The following CUX2 variants were observed in gnomAD, a reference collection of about 807,000 sequenced individuals.
CUX2 encodes the protein cut like homeobox 2, also known as homeobox protein cut-like 2.
A neutral mutation model predicts 144.8 loss-of-function variants in CUX2; 40 were observed. The ratio of observed to expected loss-of-function variants is 0.28; its 90% CI spans 0.21 to 0.36. CUX2 has a LOEUF of 0.36. Ranked by LOEUF, CUX2 falls within the 10% of genes least tolerant of loss-of-function variation. The probability of loss-of-function intolerance (pLI) is 1.00; values close to 1 mark genes in which losing one functional copy is unlikely to be tolerated. For missense variants in CUX2, 1,615 were observed against 1,994.0 expected (o/e 0.81, Z 3.62); for synonymous variants, 827 against 875.6 (o/e 0.94, Z 0.98).
Position 111,304,124 on chromosome 12 carries a change from C to T in CUX2, c.754-86C>T. The T allele has an allele frequency of 8.6e-7, 1 of 1,158,088 alleles. No individual in the cohort carries two copies. Among genetic ancestry groups the T allele is most frequent in the Non-Finnish European group, 1.3e-6 (1 of 797,214 alleles). The allele number at this position is 1,158,088 out of a possible 1,614,324, so 71.7% of individuals were successfully genotyped here. A position where few individuals can be genotyped will look rare whatever the true frequency, so the allele number is the denominator to read the frequency against. On this transcript the variant is annotated intron_variant, in intron 9 of 21. Coordinates refer to ENST00000261726, the MANE Select transcript of CUX2 (RefSeq NM_015267.4). The surrounding 1 kb of genome is among the most constrained non-coding windows in gnomAD (Gnocchi z 4.7). ...CCTGAGGCCCTCGGAGGTCTGCCTC[C>T]CCAACCCCTGCCTGAAACAGTGCAG...
chr12:111,338,877 C>A (rs1359920030), intron 20 of CUX2, among the ~76,000 whole-genome samples: 1 of 151,326 alleles, frequency 6.6e-6, no homozygotes, highest in African/African-American at 2.4e-5. Flanking sequence ...CTGTGCAGTG[C>A]AGTAAGACCC....
rs756173454 is a variant in CUX2, at chr12:111,068,748, CG to C, written c.63+34512del. On this transcript the variant is annotated intron_variant, in intron 1 of 21. Transcript: ENST00000261726. This position sits in a 1 kb window ranked among gnomAD's most constrained non-coding sequence, Gnocchi z 4.9. Reference sequence around the variant, plus strand: ...GTTTGCACCCTGAGAGGAGAGGAGACGGGGTGCCGGTAATGCCCCCATGGCC... The same window carrying C: ...GTTTGCACCCTGAGAGGAGAGGAGACGGGTGCCGGTAATGCCCCCATGGCC... 1.3e-4 allele frequency among the ~76,000 whole-genome samples: 20 copies of C among 152,170 alleles called. 1 individual carries two copies. Among genetic ancestry groups the C allele is most frequent in the Admixed American group, 9.2e-4 (14 of 15,280 alleles).
At chr12:111,232,800 C>G (rs1182790108) in intron 3 of CUX2, among the ~76,000 whole-genome samples, 1 of 152,200 alleles carries the variant, frequency 6.6e-6, no homozygotes, top group Non-Finnish European at 1.5e-5. Context: ...TTCATTCATT[C>G]ATTTCCTTAG....
rs1425776108 is a variant in CUX2, at chr12:111,295,816, G to A, written c.637+407G>A. On this transcript the variant is annotated intron_variant, in intron 7 of 21. Coordinates refer to ENST00000261726, the MANE Select transcript of CUX2 (RefSeq NM_015267.4). This position sits in a 1 kb window ranked among gnomAD's most constrained non-coding sequence, Gnocchi z 5.0. ...CCTGCAGGGGCCAAAACGCTACCAA[G>A]CCACCGACTTAGGGGAGGCGTTGGG... 1.3e-5 allele frequency among the ~76,000 whole-genome samples: 2 copies of A among 151,694 alleles called. No homozygotes were observed. Among genetic ancestry groups the A allele is most frequent in the Admixed American group, 1.3e-4 (2 of 15,238 alleles).
At chr12:111,323,182 A>C (rs964283484) in intron 18 of CUX2, among the ~76,000 whole-genome samples, 4 of 152,178 alleles carry the variant, frequency 2.6e-5, no homozygotes, top group Non-Finnish European at 2.9e-5. Context: ...CGGGCCCTGC[A>C]CTGGAATGAG....
In CUX2 at chr12:111,266,402, C is replaced by T. The variant is rs751153585; in HGVS notation, c.301+2563C>T. ...AGGAGAATCGCTTGAACCCAGGAGG[C>T]GGAGGTTGCAATGAGCCGAGATCAC... On this transcript the variant is annotated intron_variant, in intron 4 of 21. Transcript: ENST00000261726. 1.1e-4 allele frequency among the ~76,000 whole-genome samples: 16 copies of T among 148,120 alleles called. 1 individual carries two copies. In the South Asian group the frequency reaches 1.3e-3, roughly 12 times the overall value.
At chr12:111,198,296 C>A (rs536795405) in intron 1 of CUX2, among the ~76,000 whole-genome samples, 15 of 152,058 alleles carry the variant, frequency 9.9e-5, no homozygotes, top group African/African-American at 3.6e-4. Context: ...GCTAACATGG[C>A]AAAACCCCAT....
At chr12:111,210,597 C>A (rs1435208711) in intron 1 of CUX2, among the ~76,000 whole-genome samples, 1 of 152,048 alleles carries the variant, frequency 6.6e-6, no homozygotes, top group African/African-American at 2.4e-5. Flanking sequence ...AGTTTGAGAC[C>A]AGCCTGGCAA....
Position 111,134,610 on chromosome 12 carries a change from C to CTGTGTGTG in CUX2, c.64-79589_64-79588insGTGTGTGT, listed in dbSNP as rs1483403424. 3.1e-3 allele frequency among the ~76,000 whole-genome samples: 428 copies of CTGTGTGTG among 138,290 alleles called. 2 individuals are homozygous for CTGTGTGTG. The highest frequency in any genetic ancestry group is 0.014 in the African/African-American group (411 of 28,680). The allele number at this position is 138,290 out of a possible 152,430, so 90.7% of individuals were successfully genotyped here. A position where few individuals can be genotyped will look rare whatever the true frequency, so the allele number is the denominator to read the frequency against. On this transcript the variant is annotated intron_variant, in intron 1 of 21. Coordinates refer to ENST00000261726, the MANE Select transcript of CUX2 (RefSeq NM_015267.4). ...AAGATCTCTTTCTCTCTCTCTCTCT[C>CTGTGTGTG]TCTCTCTCTCTGTGTGTGTGTGTGT...
rs554497799 is a variant in CUX2 at position 111,110,269 on chromosome 12, G to A, written c.63+76029G>A. Reference sequence around the variant, plus strand: ...ATCCATCCCCAGTTGGATGCTACATGCTTTTGTTTTGCTACTTGACATGAT... The same window carrying A: ...ATCCATCCCCAGTTGGATGCTACATACTTTTGTTTTGCTACTTGACATGAT... On this transcript the variant is annotated intron_variant, in intron 1 of 21. Transcript: ENST00000261726. 2.6e-5 allele frequency among the ~76,000 whole-genome samples: 4 copies of A among 152,246 alleles called. No homozygotes were observed. The East Asian group carries it at 5.8e-4, about 22-fold the overall frequency.
At chr12:111,079,374 G>A (rs534194978) in intron 1 of CUX2, among the ~76,000 whole-genome samples, 2 of 152,292 alleles carry the variant, frequency 1.3e-5, no homozygotes, top group African/African-American at 4.8e-5. Context: ...GCATGGACCT[G>A]TGGTGGCCTT....
intron 3 of CUX2, among the ~76,000 whole-genome samples, chr12:111,218,489 C>G: frequency 6.6e-6 from 1 of 152,120 alleles, no homozygotes; most frequent in East Asian, 1.9e-4. Context: ...GCACACCAAC[C>G]TGGGTGACAG....
At chr12:111,174,734 A>T (rs922744486) in intron 1 of CUX2, among the ~76,000 whole-genome samples, 3 of 152,242 alleles carry the variant, frequency 2.0e-5, no homozygotes, top group Non-Finnish European at 1.5e-5. Context: ...TGGTGACCAG[A>T]CAAAGGGAAC....
intron 1 of CUX2, among the ~76,000 whole-genome samples, chr12:111,060,577 AG>A (rs1201162471): frequency 6.6e-6 from 1 of 152,338 alleles, no homozygotes; most frequent in East Asian, 1.9e-4. Context: ...CACATATTAG[AG>A]GCTCAATAAA....
At chr12:111,164,746 T>A (rs1317025589) in intron 1 of CUX2, among the ~76,000 whole-genome samples, 2 of 151,880 alleles carry the variant, frequency 1.3e-5, no homozygotes, top group Non-Finnish European at 2.9e-5. Flanking sequence ...ATGTTAGGGG[T>A]CCCATGAGCA....
chr12:111,294,676 C>A (rs935388912), intron 6 of CUX2, among the ~76,000 whole-genome samples: 1 of 151,670 alleles, frequency 6.6e-6, no homozygotes, highest in Non-Finnish European at 1.5e-5. Flanking sequence ...GCAGGCGGAT[C>A]ACTTGAGGTC....
chr12:111,175,716 C>A (rs1878811555), intron 1 of CUX2, among the ~76,000 whole-genome samples: 1 of 151,972 alleles, frequency 6.6e-6, no homozygotes, highest in African/African-American at 2.4e-5. Context: ...AGCAAGTTTT[C>A]TTTTATCCAT....
Position 111,344,677 on chromosome 12 carries a change from G to A in CUX2, c.3659+2624G>A, listed in dbSNP as rs552214269. Among the ~76,000 whole-genome samples, 6 of 152,208 alleles carry A rather than the reference G, an allele frequency of 3.9e-5. No individual in the cohort carries two copies. The South Asian group carries it at 1.2e-3, about 32-fold the overall frequency. ...AGGTCACCTTTTTGGAGGGATTGGA[G>A]GGGAGGGTACGGACTAGGTGACCCC... On this transcript the variant is annotated intron_variant, in intron 21 of 21. Coordinates refer to ENST00000261726, the MANE Select transcript of CUX2 (RefSeq NM_015267.4).
At chr12:111,332,574 T>A (rs561905405) in intron 18 of CUX2, among the ~76,000 whole-genome samples, 11 of 152,312 alleles carry the variant, frequency 7.2e-5, no homozygotes, top group African/African-American at 2.4e-4. Context: ...AGATCATTGC[T>A]GGATCATTGC....
Sources: gnomAD v4.1 joint callset for allele counts (sites outside exome capture counted in the v4.1 genomes callset) on GRCh38, gnomAD v4.1.1 for gene constraint, Gnocchi (gnomAD v3.1) non-coding constraint, MANE v1.5 for transcripts, NCBI Gene and HGNC (gene_info 2026-07-23, HGNC 2026-07-21) for gene names.